Variants in XRRA1 observed in about 807,000 individuals in gnomAD.
The protein encoded by XRRA1 is X-ray radiation resistance-associated protein 1.
Under a neutral mutation model 80.2 loss-of-function variants are expected in XRRA1, and 69 were observed. The ratio of observed to expected loss-of-function variants is 0.86; its 90% CI spans 0.71 to 1.05. The LOEUF (loss-of-function observed/expected upper bound fraction) is 1.05. XRRA1 is among the 50% of genes least tolerant of loss of function. The pLI is 0.00. For missense variants in XRRA1, 967 were observed against 976.4 expected, an observed-to-expected ratio of 0.99 and a Z score of 0.13; for synonymous variants, 348 against 389.9, an observed-to-expected ratio of 0.89 and a Z score of 1.27.
At chr11:74,914,808 G>C (rs1938011639) in intron 8 of XRRA1, among the ~76,000 whole-genome samples, 1 of 150,972 alleles carries the variant, frequency 6.6e-6, no homozygotes, top group African/African-American at 2.4e-5. Context: ...TGCAACCTGA[G>C]CCACTCATCA....
Position 74,844,248 on chromosome 11 carries a change from G to A in XRRA1, c.1963C>T (p.Leu655=), listed in dbSNP as rs1313290207. 2.5e-6 allele frequency: 4 copies of A among 1,613,608 alleles called. No individual in the cohort carries two copies. The highest frequency in any genetic ancestry group is 3.4e-6 in the Non-Finnish European group (4 of 1,179,852). Reference sequence around the variant, plus strand: ...GAGTGGCACAGGAGTGGGTGCTTCAGCATTTGTTGCAGGGCTTGTGCATTC... The same window carrying A: ...GAGTGGCACAGGAGTGGGTGCTTCAACATTTGTTGCAGGGCTTGTGCATTC... ...QKNAQALQQM[L]KHPLLCHSSK... Residue 655 remains leucine, a synonymous_variant, in exon 17 of 19, where the codon CTG becomes TTG. Coordinates refer to ENST00000684022, the MANE Select transcript of XRRA1 (RefSeq NM_001378157.1).
At chr11:74,927,926 A>T (rs1360955443) in intron 6 of XRRA1, among the ~76,000 whole-genome samples, 3 of 152,248 alleles carry the variant, frequency 2.0e-5, no homozygotes, top group Non-Finnish European at 4.4e-5. Context: ...ACTTTTTCTC[A>T]TGTATATATC....
chr11:74,847,448 A>C (rs1470645640), intron 15 of XRRA1, among the ~76,000 whole-genome samples: 1 of 152,072 alleles, frequency 6.6e-6, no homozygotes, highest in Non-Finnish European at 1.5e-5. Flanking sequence ...GACACTAAAC[A>C]TTTGTGGTTT....
chr11:74,868,081 C>T (rs976065140), intron 10 of XRRA1, among the ~76,000 whole-genome samples: 61 of 152,036 alleles, frequency 4.0e-4, no homozygotes, highest in Non-Finnish European at 8.2e-4. Context: ...GTCACCGCAC[C>T]TAATTTTTTG....
At chr11:74,927,689 A>G (rs991423927) in intron 6 of XRRA1, among the ~76,000 whole-genome samples, 1 of 152,226 alleles carries the variant, frequency 6.6e-6, no homozygotes, top group Admixed American at 6.5e-5. Flanking sequence ...AGGCTCAGCC[A>G]AGCTAAGTGA....
intron 6 of XRRA1, 115 bp from the exon 7 acceptor site, chr11:74,927,603 A>G: frequency 1.7e-6 from 1 of 597,804 alleles, no homozygotes; most frequent in Non-Finnish European, 2.9e-6. Context: ...TGTATAAGGT[A>G]CTTTACATAC....
intron 10 of XRRA1, among the ~76,000 whole-genome samples, chr11:74,898,964 C>T (rs2053006487): frequency 6.6e-6 from 1 of 152,106 alleles, no homozygotes. Flanking sequence ...ACATTTTTAT[C>T]CTCAGCACAT....
chr11:74,858,966 A>G (rs1002078034), intron 12 of XRRA1, among the ~76,000 whole-genome samples, 192 bp downstream of exon 12: 2 of 152,198 alleles, frequency 1.3e-5, no homozygotes, highest in African/African-American at 2.4e-5. Context: ...TGCTAAATAA[A>G]TATCTGTGAC....
At chr11:74,872,070 A>C (rs1024919412) in intron 10 of XRRA1, among the ~76,000 whole-genome samples, 1 of 152,216 alleles carries the variant, frequency 6.6e-6, no homozygotes, top group Non-Finnish European at 1.5e-5. Context: ...GTACCTCTTG[A>C]CAACCCTGAT....
At chr11:74,918,096 C>T (rs1438428612) in intron 8 of XRRA1, among the ~76,000 whole-genome samples, 4 of 152,084 alleles carry the variant, frequency 2.6e-5, no homozygotes, top group Non-Finnish European at 1.5e-5. Flanking sequence ...CCTTAAAGGA[C>T]TCAGACCCTT....
chr11:74,856,252 T>C (rs1457031178), intron 12 of XRRA1, among the ~76,000 whole-genome samples: 1 of 152,108 alleles, frequency 6.6e-6, no homozygotes, highest in Non-Finnish European at 1.5e-5. Flanking sequence ...GTCCTAGTGC[T>C]AAAAAACAAA....
chr11:74,888,683 G>A (rs889647344), intron 10 of XRRA1, among the ~76,000 whole-genome samples: 2 of 152,150 alleles, frequency 1.3e-5, no homozygotes, highest in Non-Finnish European at 2.9e-5. Flanking sequence ...AGAATTAGAC[G>A]AATGACTAAC....
At chr11:74,929,475 C>G (rs901669577) in intron 6 of XRRA1, among the ~76,000 whole-genome samples, 3 of 125,652 alleles carry the variant, frequency 2.4e-5, no homozygotes, top group African/African-American at 7.6e-5. Flanking sequence ...TTCCAAGACT[C>G]TCTTTTGCCT....
intron 10 of XRRA1, among the ~76,000 whole-genome samples, chr11:74,879,006 C>A (rs1428300750): frequency 6.7e-6 from 1 of 148,442 alleles, no homozygotes; most frequent in Non-Finnish European, 1.5e-5. Context: ...TGAAGAAAGT[C>A]ATTGGTAGCT....
At chr11:74,887,567 AAGTGGGTGCAGGAC>A (rs2049355161) in intron 10 of XRRA1, among the ~76,000 whole-genome samples, 1 of 152,274 alleles carries the variant, frequency 6.6e-6, no homozygotes, top group African/African-American at 2.4e-5. Context: ...GAGTGTCGGA[AAGTGGGTGCAGGAC>A]AGTGGGTGCA....
intron 10 of XRRA1, among the ~76,000 whole-genome samples, chr11:74,889,034 A>G (rs1277360040): frequency 6.6e-6 from 1 of 152,208 alleles, no homozygotes; most frequent in African/African-American, 2.4e-5. Context: ...CCAACATTCA[A>G]ATTCAGGAAA....
chr11:74,921,269 G>A lies in XRRA1; in HGVS notation c.601C>T (p.Leu201Phe). The change falls in exon 8 of 19, where the codon CTC becomes TTC. Residue 201 changes from leucine (L) to phenylalanine (F), a missense_variant. Coordinates refer to ENST00000684022, the MANE Select transcript of XRRA1 (RefSeq NM_001378157.1). ...LGILPHLRVL[L>F]LTGNGLTSLP... Reference sequence around the variant, plus strand: ...GAGGTAAGGCCATTGCCTGTGAGGAGCAGGACACGGAGGTGTGGCAGAATC... The same window carrying A: ...GAGGTAAGGCCATTGCCTGTGAGGAACAGGACACGGAGGTGTGGCAGAATC... 1 of 1,614,018 alleles carries A rather than the reference G, an allele frequency of 6.2e-7. No homozygotes were observed. The highest frequency in any genetic ancestry group is 1.1e-5 in the South Asian group (1 of 91,082).
rs1011681932 is a variant in XRRA1, at chr11:74,850,832, G to C, written c.1380+256C>G. 7 of 223,566 alleles carry C rather than the reference G, an allele frequency of 3.1e-5. No homozygotes were observed. In the South Asian group the frequency reaches 5.6e-4, roughly 18 times the overall value. The allele number at this position is 223,566 out of a possible 1,614,324, so 13.8% of individuals were successfully genotyped here. On this transcript the variant is annotated intron_variant, in intron 14 of 18. Coordinates refer to ENST00000684022, the MANE Select transcript of XRRA1 (RefSeq NM_001378157.1). ...TTAGAGGCGTGAGCCACCACGCCTG[G>C]CCCATAGCCATTCTCAATTACTGTA...
intron 10 of XRRA1, among the ~76,000 whole-genome samples, chr11:74,902,059 A>G (rs1377649508): frequency 6.6e-6 from 1 of 152,240 alleles, no homozygotes; most frequent in Non-Finnish European, 1.5e-5. Flanking sequence ...GAGCTCAAAC[A>G]ACTCCACAGG....
Sources: gnomAD v4.1 joint callset for allele counts (sites outside exome capture counted in the v4.1 genomes callset) on GRCh38, gnomAD v4.1.1 for gene constraint, MANE v1.5 for transcripts, NCBI Gene and HGNC (gene_info 2026-07-23, HGNC 2026-07-21) for gene names.